TENM2: variants seen among roughly 807,000 people sequenced by gnomAD.
TENM2 encodes teneurin transmembrane protein 2, also known as teneurin-2.
A neutral mutation model predicts 245.2 loss-of-function variants in TENM2; 52 were observed. The ratio of observed to expected loss-of-function variants is 0.21; its 90% CI spans 0.17 to 0.27. TENM2 has a LOEUF of 0.27. Ranked by LOEUF, TENM2 falls within the 10% of genes least tolerant of loss-of-function variation. The pLI is 1.00. For missense variants in TENM2, 3,046 were observed against 3,666.8 expected (o/e 0.83, Z 4.37); for synonymous variants, 1,363 against 1,438.9 (o/e 0.95, Z 1.19).
At chr5:168,034,162 T>TATATAC (rs1562077851) in intron 5 of TENM2, among the ~76,000 whole-genome samples, 16 of 102,806 alleles carry the variant, frequency 1.6e-4, no homozygotes, top group South Asian at 5.8e-4. Flanking sequence ...TATATATATA[T>TATATAC]GTATATATAT....
At chr5:167,910,073 A>G (rs773789845) in intron 3 of TENM2, among the ~76,000 whole-genome samples, 1 of 152,106 alleles carries the variant, frequency 6.6e-6, no homozygotes, top group African/African-American at 2.4e-5. Flanking sequence ...GTACTTTTGG[A>G]TGTGTAATTT....
chr5:167,080,540 C>T, the TENM2 span, among the ~76,000 whole-genome samples: 1 of 152,192 alleles, frequency 6.6e-6, no homozygotes, highest in Non-Finnish European at 1.5e-5. Flanking sequence ...TGCACACTTA[C>T]CCCACCTCTG....
chr5:167,210,217 G>T, the TENM2 span, among the ~76,000 whole-genome samples: 5 of 152,158 alleles, frequency 3.3e-5, no homozygotes, highest in African/African-American at 7.2e-5. Context: ...AGCTGATAGT[G>T]CTTGATACAA....
At chr5:167,376,770 T>A (rs1373560867) in intron 2 of TENM2, among the ~76,000 whole-genome samples, 1 of 152,166 alleles carries the variant, frequency 6.6e-6, no homozygotes, top group Non-Finnish European at 1.5e-5. Context: ...CATTTGACAC[T>A]CTGAGGTGCT....
At chr5:167,006,891 T>C in the TENM2 span, among the ~76,000 whole-genome samples, 1 of 152,104 alleles carries the variant, frequency 6.6e-6, no homozygotes, top group African/African-American at 2.4e-5. Context: ...GGTCTTGAAC[T>C]CCCGACCTCA....
intron 2 of TENM2, among the ~76,000 whole-genome samples, chr5:167,816,455 T>C (rs1040021506): frequency 3.3e-5 from 5 of 152,228 alleles, no homozygotes; most frequent in Admixed American, 2.6e-4. Flanking sequence ...AGTTTCTGAA[T>C]CTTCTCTGCC....
At chr5:167,768,720 TA>T (rs1158284408) in intron 2 of TENM2, among the ~76,000 whole-genome samples, 1 of 152,158 alleles carries the variant, frequency 6.6e-6, no homozygotes, top group Admixed American at 6.5e-5. Flanking sequence ...CCCTCTTCTA[TA>T]AAATGGGAAC....
intron 2 of TENM2, among the ~76,000 whole-genome samples, chr5:167,781,568 G>C (rs1416914716): frequency 6.6e-6 from 1 of 152,192 alleles, no homozygotes; most frequent in Non-Finnish European, 1.5e-5. Context: ...GAGTTTAACA[G>C]AGGTAATGTG....
intron 25 of TENM2, chr5:168,229,668 C>T (rs1290544651): frequency 6.6e-6 from 1 of 152,160 alleles, no homozygotes; most frequent in African/African-American, 2.4e-5. Flanking sequence ...TGGGTTGTAA[C>T]TTTTTTGCTG....
chr5:167,583,164 G>A (rs1775214323), intron 2 of TENM2, among the ~76,000 whole-genome samples: 1 of 152,180 alleles, frequency 6.6e-6, no homozygotes, highest in Non-Finnish European at 1.5e-5. Context: ...CAGCACAGCA[G>A]GGATTCAGAT....
intron 2 of TENM2, among the ~76,000 whole-genome samples, chr5:167,522,497 G>C (rs1770833147): frequency 6.6e-6 from 1 of 151,788 alleles, no homozygotes; most frequent in African/African-American, 2.4e-5. Flanking sequence ...CTTTCTCTGG[G>C]TCTTTTTTTC....
chr5:167,944,274 A>C (rs1426889496), intron 3 of TENM2, among the ~76,000 whole-genome samples: 3 of 152,092 alleles, frequency 2.0e-5, no homozygotes, highest in Non-Finnish European at 4.4e-5. Context: ...CCCCTCCCAC[A>C]AATGTCCCTG....
At chr5:167,117,320 G>T in the TENM2 span, among the ~76,000 whole-genome samples, 4 of 152,088 alleles carry the variant, frequency 2.6e-5, no homozygotes, top group Admixed American at 2.0e-4. Flanking sequence ...CGGCTAACAC[G>T]GTGAAACCCC....
intron 1 of TENM2, among the ~76,000 whole-genome samples, chr5:167,353,294 AAC>A (rs2127849449): frequency 6.8e-6 from 1 of 146,078 alleles, no homozygotes; most frequent in South Asian, 2.2e-4. Context: ...AAATTGGTGT[AAC>A]ACAGGAAACT....
At chr5:167,895,492 C>T (rs562133558) in intron 3 of TENM2, among the ~76,000 whole-genome samples, 7 of 152,330 alleles carry the variant, frequency 4.6e-5, no homozygotes, top group Non-Finnish European at 5.9e-5. Flanking sequence ...ACAGCAGCTA[C>T]GATTTGAACC....
chr5:167,740,023 G>T (rs1171738489), intron 2 of TENM2, among the ~76,000 whole-genome samples: 1 of 152,132 alleles, frequency 6.6e-6, no homozygotes, highest in Admixed American at 6.5e-5. Flanking sequence ...GCAGATGCGG[G>T]GGTTTCTGCG....
intron 3 of TENM2, among the ~76,000 whole-genome samples, chr5:167,890,330 A>G (rs1239106883): frequency 6.6e-6 from 1 of 152,108 alleles, no homozygotes; most frequent in Non-Finnish European, 1.5e-5. Context: ...AAGGGAGGAA[A>G]CTAAAGCTGT....
the TENM2 span, among the ~76,000 whole-genome samples, chr5:167,248,049 C>G: frequency 6.6e-6 from 1 of 152,156 alleles, no homozygotes; most frequent in African/African-American, 2.4e-5. Context: ...ACATAGCATG[C>G]AGAGGGAGCT....
chr5:168,083,887 A>T (rs530476137), intron 7 of TENM2, among the ~76,000 whole-genome samples: 1 of 152,152 alleles, frequency 6.6e-6, no homozygotes, highest in East Asian at 1.9e-4. Flanking sequence ...AACAGTAAAA[A>T]TCCCAGTAGT....
Sources: allele counts gnomAD v4.1 joint callset (sites outside exome capture counted in the v4.1 genomes callset), GRCh38; gene constraint gnomAD v4.1.1; transcripts MANE v1.5; gene names NCBI Gene and HGNC (gene_info 2026-07-23, HGNC 2026-07-21).